TSNARE1: variants seen among roughly 807,000 people sequenced by gnomAD.
TSNARE1 encodes t-SNARE domain-containing protein 1.
TSNARE1 carries 49 observed loss-of-function variants against 62.0 expected under a neutral mutation model. The ratio of observed to expected loss-of-function variants is 0.79; its 90% CI spans 0.63 to 1.00. The LOEUF is 1.00. Ranked by LOEUF, TSNARE1 falls within the 50% of genes least tolerant of loss-of-function variation. TSNARE1 has a pLI of 0.00. For synonymous variants in TSNARE1, 328 were observed against 294.4 expected (o/e 1.11, Z -1.17); for missense variants, 755 against 700.1 (o/e 1.08, Z -0.88).
chr8:142,282,108 C>A lies in TSNARE1; in HGVS notation c.1363+2305G>T, dbSNP rs374313363. The stretch of plus-strand genomic sequence containing the variant: ...CAGAGCTGAGGGCCCACGGTGCTGG[C>A]TGGGAGGTGCCCTGGCTTGCGGTGC... On this transcript the variant is annotated intron_variant, in intron 11 of 13. Transcript: ENST00000524325. 5.3e-5 allele frequency among the ~76,000 whole-genome samples: 8 copies of A among 152,364 alleles called. No individual in the cohort carries two copies. The East Asian group carries it at 1.5e-3, about 29-fold the overall frequency.
At chr8:142,342,615 T>C (rs907582772) in intron 4 of TSNARE1, among the ~76,000 whole-genome samples, 1 of 152,182 alleles carries the variant, frequency 6.6e-6, no homozygotes, top group African/African-American at 2.4e-5. Context: ...AGATCTCCTA[T>C]AGCACGGCCT....
chr8:142,264,359 T>C (rs1466918594), intron 12 of TSNARE1, among the ~76,000 whole-genome samples: 1 of 152,240 alleles, frequency 6.6e-6, no homozygotes, highest in African/African-American at 2.4e-5. Flanking sequence ...TAGTCCATGG[T>C]CAAAATCTGG....
At chr8:142,297,182 C>G (rs891804575) in intron 10 of TSNARE1, among the ~76,000 whole-genome samples, 18 of 152,310 alleles carry the variant, frequency 1.2e-4, no homozygotes, top group Middle Eastern at 3.4e-3. Flanking sequence ...TGTTTTGTCC[C>G]AAGGATGATG....
At chr8:142,269,568 A>C (rs1487697548) in intron 12 of TSNARE1, 7 of 984,026 alleles carry the variant, frequency 7.1e-6, no homozygotes, top group Non-Finnish European at 1.2e-6. Context: ...GCCTCAAGTG[A>C]TCTTCCTGCC....
intron 12 of TSNARE1, among the ~76,000 whole-genome samples, chr8:142,243,594 C>T (rs1229764344): frequency 9.0e-6 from 1 of 111,052 alleles, no homozygotes; most frequent in Non-Finnish European, 1.8e-5. Context: ...TAGCAGGGGC[C>T]GGGGGAGCAG....
chr8:142,315,129 T>C, intron 7 of TSNARE1, 37 bp from the exon 8 acceptor site: 2 of 1,609,040 alleles, frequency 1.2e-6, no homozygotes, highest in Non-Finnish European at 1.7e-6. Flanking sequence ...CATGGGAGGC[T>C]TGGCCCTGCC....
chr8:142,406,979 T>C (rs4509378), upstream of TSNARE1: 124,933 of 152,284 alleles, frequency 0.82, 51,316 homozygotes, highest in Middle Eastern at 0.86. Flanking sequence ...GTGTTTAACA[T>C]GGAGCAGGAG....
At chr8:142,290,762 G>C (rs1823612028) in intron 10 of TSNARE1, among the ~76,000 whole-genome samples, 1 of 152,242 alleles carries the variant, frequency 6.6e-6, no homozygotes, top group Non-Finnish European at 1.5e-5. Context: ...GCTCTGCCTG[G>C]GGCCTTGGAG....
chr8:142,281,166 T>C (rs1354637127), intron 11 of TSNARE1, among the ~76,000 whole-genome samples: 1 of 151,524 alleles, frequency 6.6e-6, no homozygotes, highest in East Asian at 2.0e-4. Flanking sequence ...GGAGAATGAG[T>C]GGGTGGGGTG....
intron 13 of TSNARE1, among the ~76,000 whole-genome samples, chr8:142,217,909 G>GCTCA (rs1563750972): frequency 2.9e-5 from 4 of 138,806 alleles, no homozygotes; most frequent in East Asian, 2.1e-4. Flanking sequence ...CAGGATCAGG[G>GCTCA]CTCAGAGTGT....
chr8:142,223,172 AAG>A lies in TSNARE1; in HGVS notation c.*11+6299_*11+6300del, dbSNP rs1816542983. ...CACTCACTCATTCACTCACTCACTC[AAG>A]TATTCACTCATTCACTCGTTCACTC... On this transcript the variant is annotated intron_variant, in intron 13 of 13. Transcript: ENST00000524325. Among the ~76,000 whole-genome samples the A allele has an allele frequency of 7.0e-4, 24 of 34,434 alleles. 7 individuals carry two copies. Among genetic ancestry groups the A allele is most frequent in the African/African-American group, 3.5e-3 (22 of 6,256 alleles). 22.6% of individuals were successfully genotyped at this position (34,434 alleles called of 152,430 possible).
intron 4 of TSNARE1, among the ~76,000 whole-genome samples, chr8:142,332,598 G>A (rs1027352241): frequency 1.3e-5 from 2 of 152,276 alleles, no homozygotes; most frequent in East Asian, 3.9e-4. Context: ...AGAACACTAT[G>A]AGGACAGCAA....
At chr8:142,338,127 G>A (rs1015835174) in intron 4 of TSNARE1, among the ~76,000 whole-genome samples, 10 of 152,140 alleles carry the variant, frequency 6.6e-5, no homozygotes, top group African/African-American at 9.7e-5. Context: ...TCTCTCTGCC[G>A]TCCCCATCCC....
intron 6 of TSNARE1, among the ~76,000 whole-genome samples, chr8:142,323,629 C>T (rs1829805132): frequency 6.6e-6 from 1 of 152,214 alleles, no homozygotes; most frequent in African/African-American, 2.4e-5. Context: ...GGCCGAGGTG[C>T]CTCAGCAAGG....
intron 12 of TSNARE1, chr8:142,273,522 C>G (rs1819939506): frequency 1.0e-6 from 1 of 985,314 alleles, no homozygotes; most frequent in Admixed American, 6.1e-5. Context: ...TGCCTCTGAC[C>G]TCATCCTGCA....
chr8:142,238,263 G>T (rs1161992904), intron 12 of TSNARE1, among the ~76,000 whole-genome samples: 1 of 152,092 alleles, frequency 6.6e-6, no homozygotes, highest in Non-Finnish European at 1.5e-5. Context: ...CCCTCTGCAG[G>T]CAGCAACCCA....
chr8:142,384,689 T>G (rs1836995129), intron 1 of TSNARE1, among the ~76,000 whole-genome samples: 1 of 152,088 alleles, frequency 6.6e-6, no homozygotes, highest in South Asian at 2.1e-4. Context: ...GTGAAATGTA[T>G]CAAAAGCCTA....
Position 142,345,810 on chromosome 8 carries a change from C to G in TSNARE1, c.171G>C (p.Val57=), listed in dbSNP as rs1833278618. 1 of 1,613,872 alleles carries G rather than the reference C, an allele frequency of 6.2e-7. No individual in the cohort carries two copies. The highest frequency in any genetic ancestry group is 1.3e-5 in the African/African-American group (1 of 74,934). The change falls in exon 3 of 14, where the codon GTG becomes GTC. Residue 57 remains valine, a synonymous_variant. Coordinates refer to ENST00000524325, the MANE Select transcript of TSNARE1 (RefSeq NM_145003.5). ...CCAGATCACCTTCCCCGTCCTTCCCCACACAGCGGTTCTGCAGCTTGCTCT... is the reference window on the plus strand; with the variant it reads ...CCAGATCACCTTCCCCGTCCTTCCCGACACAGCGGTTCTGCAGCTTGCTCT... The part of the protein sequence containing the change: ...SPESKLQNRC[V]GKDGEGDLGP...
At chr8:142,321,637 C>CAGT (rs1829500211) in intron 6 of TSNARE1, among the ~76,000 whole-genome samples, 1 of 152,010 alleles carries the variant, frequency 6.6e-6, no homozygotes, top group African/African-American at 2.4e-5. Context: ...AGCCTGACTA[C>CAGT]AGATCCAACA....
Sources: gnomAD v4.1 joint callset for allele counts (sites outside exome capture counted in the v4.1 genomes callset) on GRCh38, gnomAD v4.1.1 for gene constraint, MANE v1.5 for transcripts, NCBI Gene and HGNC (gene_info 2026-07-23, HGNC 2026-07-21) for gene names.